The following MADD variants were observed in gnomAD, a reference collection of about 807,000 sequenced individuals.
MADD encodes the protein MAP kinase activating death domain.
A neutral mutation model predicts 176.7 loss-of-function variants in MADD; 109 were observed. The ratio of observed to expected loss-of-function variants is 0.62; its 90% confidence interval spans 0.53 to 0.72. The LOEUF is 0.72. Ranked by LOEUF, MADD falls within the 30% of genes least tolerant of loss-of-function variation. The pLI is 0.00. For missense variants in MADD, 1,914 were observed against 2,045.5 expected (o/e 0.94, Z 1.24); for synonymous variants, 771 against 771.3 (o/e 1.00, Z 0.01).
intron 31 of MADD, chr11:47,328,083 T>C (rs968582855): frequency 2.4e-5 from 24 of 995,968 alleles, no homozygotes; most frequent in African/African-American, 1.7e-5. Context: ...GGTCTGGGCT[T>C]CTCCTGCCAC....
intron 7 of MADD, among the ~76,000 whole-genome samples, chr11:47,280,259 C>T (rs989101188): frequency 2.0e-5 from 3 of 152,078 alleles, no homozygotes; most frequent in African/African-American, 7.3e-5. Context: ...TTTAGGAATC[C>T]CTGCTCTCAT....
intron 14 of MADD, among the ~76,000 whole-genome samples, chr11:47,285,985 T>A (rs1458074335): frequency 1.3e-5 from 2 of 152,248 alleles, no homozygotes; most frequent in Non-Finnish European, 2.9e-5. Flanking sequence ...GATATGAGAT[T>A]GAATTTTGTG....
rs1243647219 is a variant in MADD at position 47,290,597 on chromosome 11, A to G, written c.3095-13A>G. On this transcript the variant is annotated splice_polypyrimidine_tract_variant and intron_variant, in intron 18 of 32. Transcript: ENST00000402192. Reference sequence around the variant, plus strand: ...TCACTACTTCTCTTGACCTCTTGATATTTTTCCCTCAGAACCAGACAAGCG... The same window carrying G: ...TCACTACTTCTCTTGACCTCTTGATGTTTTTCCCTCAGAACCAGACAAGCG... 6.8e-6 allele frequency: 11 copies of G among 1,609,094 alleles called. No homozygotes were observed. Among genetic ancestry groups the G allele is most frequent in the Non-Finnish European group, 8.5e-6 (10 of 1,177,040 alleles).
At chr11:47,290,451 G>A (rs1404654787) in intron 18 of MADD, 152 bp downstream of exon 19, 6 of 1,280,200 alleles carry the variant, frequency 4.7e-6, no homozygotes, top group South Asian at 1.5e-5. Context: ...ATGTTTATAC[G>A]CAGTGGGTAT....
chr11:47,327,850 G>T, intron 31 of MADD: 8 of 985,412 alleles, frequency 8.1e-6, no homozygotes, highest in Non-Finnish European at 9.6e-6. Flanking sequence ...GTCTCAAGGG[G>T]CCATGATGGT....
At chr11:47,324,733 G>T (rs2095196326) in intron 30 of MADD, 156 bp downstream of exon 33, 1 of 713,534 alleles carries the variant, frequency 1.4e-6, no homozygotes, top group Admixed American at 2.0e-5. Context: ...AACCCCAGGG[G>T]AGGGCACAGT....
intron 27 of MADD, among the ~76,000 whole-genome samples, chr11:47,317,877 C>T: frequency 6.6e-6 from 1 of 151,762 alleles, no homozygotes; most frequent in East Asian, 1.9e-4. Flanking sequence ...TCAAGCAGTT[C>T]TCCTGCCTCA....
chr11:47,274,743 C>A, exon 3 of MADD: 1 of 1,614,238 alleles, frequency 6.2e-7, no homozygotes, highest in Non-Finnish European at 8.5e-7. Context: ...TCTTCACCCT[C>A]ACTGACAAGG....
intron 7 of MADD, among the ~76,000 whole-genome samples, chr11:47,281,080 C>T (rs778119641): frequency 3.3e-5 from 5 of 152,214 alleles, no homozygotes; most frequent in African/African-American, 4.8e-5. Flanking sequence ...ATTTGAGAAG[C>T]ACTGCTGCTC....
At chr11:47,277,729 C>A (rs559829918) in intron 5 of MADD, among the ~76,000 whole-genome samples, 1 of 152,234 alleles carries the variant, frequency 6.6e-6, no homozygotes, top group South Asian at 2.1e-4. Context: ...GACAGTTGAT[C>A]TGATAACCGA....
At chr11:47,311,828 C>A (rs780037256) in exon 26 of MADD, 1 of 1,612,828 alleles carries the variant, frequency 6.2e-7, no homozygotes, top group Admixed American at 1.7e-5. Flanking sequence ...GGTGCTTGAT[C>A]AGCTGGCGAA....
rs557660581 is a variant in MADD, at chr11:47,278,345, T to A, written c.1209+67T>A. On this transcript the variant is annotated intron_variant, in intron 6 of 32. Coordinates refer to ENST00000402192, the Ensembl canonical transcript of MADD. ...TTGCATTCTAGACCCAGTCCTGAGA[T>A]ATCTGTTTCTAGATTCCTTTCAGGA... The A allele has an allele frequency of 9.6e-6, 11 of 1,140,696 alleles. No homozygotes were observed. The Admixed American group carries it at 1.4e-4, about 14-fold the overall frequency. 70.7% of individuals were successfully genotyped at this position (1,140,696 alleles called of 1,614,324 possible). A position where few individuals can be genotyped will look rare whatever the true frequency, so the allele number is the denominator to read the frequency against.
intron 3 of MADD, among the ~76,000 whole-genome samples, chr11:47,275,474 A>G (rs1205506727): frequency 6.6e-6 from 1 of 152,156 alleles, no homozygotes; most frequent in Non-Finnish European, 1.5e-5. Flanking sequence ...GTATTTTTGT[A>G]GAGACAAGGT....
chr11:47,296,336 G>C (rs186272137), intron 22 of MADD, among the ~76,000 whole-genome samples: 1 of 152,124 alleles, frequency 6.6e-6, no homozygotes, highest in Non-Finnish European at 1.5e-5. Context: ...TTAACCCCCA[G>C]GTTTAACACA....
intron 26 of MADD, among the ~76,000 whole-genome samples, chr11:47,312,728 C>T (rs766605048): frequency 1.1e-4 from 16 of 152,154 alleles, no homozygotes; most frequent in Non-Finnish European, 1.9e-4. Context: ...AACCACCGCA[C>T]CTGGCTTACA....
chr11:47,276,104 C>G, exon 4 of MADD: 1 of 1,614,194 alleles, frequency 6.2e-7, no homozygotes, highest in Non-Finnish European at 8.5e-7. Flanking sequence ...AGACCCATCT[C>G]GATTCACCCT....
rs2086154590 is a variant in MADD at position 47,309,495 on chromosome 11, T to G, written c.3873-12T>G. The stretch of plus-strand genomic sequence containing the variant: ...CACTTGAGGGCTGACTTGTGCTTGG[T>G]CTTCTCCTTAGGTACCTGTCCCTTG... On this transcript the variant is annotated splice_polypyrimidine_tract_variant and intron_variant, in intron 24 of 32. Transcript: ENST00000402192. 2 of 1,614,130 alleles carry G rather than the reference T, an allele frequency of 1.2e-6. No individual in the cohort carries two copies. The highest frequency in any genetic ancestry group is 1.7e-6 in the Non-Finnish European group (2 of 1,179,934).
chr11:47,272,492 C>T (rs1465097893), intron 1 of MADD, among the ~76,000 whole-genome samples: 1 of 152,076 alleles, frequency 6.6e-6, no homozygotes, highest in African/African-American at 2.4e-5. Context: ...TGTGTGTATA[C>T]GATAATGGGT....
intron 27 of MADD, among the ~76,000 whole-genome samples, chr11:47,323,273 G>T (rs945894108): frequency 9.9e-5 from 15 of 151,606 alleles, no homozygotes; most frequent in Non-Finnish European, 1.9e-4. Flanking sequence ...CAATGTGATG[G>T]TGTGCACCTG....
Sources: allele counts gnomAD v4.1 joint callset (sites outside exome capture counted in the v4.1 genomes callset), GRCh38; gene constraint gnomAD v4.1.1; transcripts MANE v1.5; gene names NCBI Gene and HGNC (gene_info 2026-07-23, HGNC 2026-07-21).